ARHGEF28: variants seen among roughly 807,000 people sequenced by gnomAD.
ARHGEF28 encodes Rho guanine nucleotide exchange factor 28, also known as 190 kDa guanine nucleotide exchange factor.
A neutral mutation model predicts 206.6 loss-of-function variants in ARHGEF28; 152 were observed. The ratio of observed to expected loss-of-function variants is 0.74; its 90% CI spans 0.64 to 0.84. ARHGEF28 has a LOEUF of 0.84. Among genes scored for constraint, ARHGEF28 ranks in the 40% least tolerant of loss-of-function variants. ARHGEF28 has a pLI of 0.00. For missense variants in ARHGEF28, 2,028 were observed against 2,073.2 expected, an observed-to-expected ratio of 0.98 and a Z score of 0.42; for synonymous variants, 763 against 776.4, an observed-to-expected ratio of 0.98 and a Z score of 0.29.
intron 1 of ARHGEF28, among the ~76,000 whole-genome samples, chr5:73,636,828 CTA>C (rs943643252): frequency 6.6e-6 from 1 of 152,150 alleles, no homozygotes; most frequent in Non-Finnish European, 1.5e-5. Flanking sequence ...CTGTCAAGTT[CTA>C]TGTTTCTGTG....
chr5:73,795,848 C>T (rs1754774060), intron 9 of ARHGEF28, among the ~76,000 whole-genome samples: 1 of 151,218 alleles, frequency 6.6e-6, no homozygotes, highest in South Asian at 2.1e-4. Flanking sequence ...GGAGCTGAGC[C>T]TATGTGATCT....
At chr5:73,906,176 G>A (rs546822737) in intron 33 of ARHGEF28, among the ~76,000 whole-genome samples, 1 of 152,152 alleles carries the variant, frequency 6.6e-6, no homozygotes, top group East Asian at 1.9e-4. Flanking sequence ...GTATATGACA[G>A]TGCTCATCTT....
chr5:73,724,857 C>G (rs1258279527), intron 2 of ARHGEF28, among the ~76,000 whole-genome samples: 1 of 152,158 alleles, frequency 6.6e-6, no homozygotes, highest in Non-Finnish European at 1.5e-5. Context: ...CCATAACCAT[C>G]CATACACAGA....
intron 2 of ARHGEF28, among the ~76,000 whole-genome samples, chr5:73,717,829 A>AAATGAT (rs1452680547): frequency 1.3e-5 from 2 of 152,154 alleles, no homozygotes; most frequent in African/African-American, 4.8e-5. Context: ...TTGGACATGG[A>AAATGAT]AATGATGCTA....
At chr5:73,638,594 T>C (rs1354548032) in intron 1 of ARHGEF28, among the ~76,000 whole-genome samples, 1 of 152,214 alleles carries the variant, frequency 6.6e-6, no homozygotes. Context: ...ATCTTGCCTT[T>C]GTGACGTTAA....
chr5:73,698,751 G>A (rs1378760995), intron 2 of ARHGEF28, among the ~76,000 whole-genome samples: 2 of 152,074 alleles, frequency 1.3e-5, no homozygotes, highest in African/African-American at 4.8e-5. Flanking sequence ...CCACAGGAGA[G>A]GCAAATGGAC....
At chr5:73,653,831 C>A (rs138068300) in intron 1 of ARHGEF28, among the ~76,000 whole-genome samples, 2 of 152,288 alleles carry the variant, frequency 1.3e-5, no homozygotes, top group African/African-American at 4.8e-5. Context: ...TGTTCCCCCC[C>A]GTCATGGCAC....
At chr5:73,627,915 A>G (rs1743108011) in intron 1 of ARHGEF28, among the ~76,000 whole-genome samples, 1 of 152,032 alleles carries the variant, frequency 6.6e-6, no homozygotes, top group South Asian at 2.1e-4. Context: ...TCAAAACCAC[A>G]CAATCTGGCC....
intron 4 of ARHGEF28, among the ~76,000 whole-genome samples, chr5:73,754,832 G>A (rs1752213107): frequency 6.6e-6 from 1 of 151,862 alleles, no homozygotes; most frequent in Non-Finnish European, 1.5e-5. Context: ...GGGTATCTAA[G>A]ATTATAGGTG....
At chr5:73,860,515 C>T (rs1047199617) in intron 16 of ARHGEF28, among the ~76,000 whole-genome samples, 1 of 152,070 alleles carries the variant, frequency 6.6e-6, no homozygotes, top group Non-Finnish European at 1.5e-5. Flanking sequence ...GCATCACAAG[C>T]TTCAACCCTG....
chr5:73,918,209 T>G (rs918363594), intron 35 of ARHGEF28, among the ~76,000 whole-genome samples: 1 of 152,216 alleles, frequency 6.6e-6, no homozygotes, highest in Non-Finnish European at 1.5e-5. Context: ...ATAGTAAATA[T>G]TTTAGTTTTT....
chr5:73,814,951 A>G (rs1450893530), intron 9 of ARHGEF28, among the ~76,000 whole-genome samples: 2 of 152,188 alleles, frequency 1.3e-5, no homozygotes, highest in East Asian at 1.9e-4. Context: ...AAATTCTATC[A>G]TTGAAGACTT....
intron 2 of ARHGEF28, among the ~76,000 whole-genome samples, chr5:73,736,505 C>G (rs1437757066): frequency 6.6e-6 from 1 of 152,146 alleles, no homozygotes; most frequent in Non-Finnish European, 1.5e-5. Flanking sequence ...AGATAATTCA[C>G]TTAGAATGGT....
At chr5:73,813,198 A>G (rs2112522120) in intron 9 of ARHGEF28, among the ~76,000 whole-genome samples, 1 of 152,270 alleles carries the variant, frequency 6.6e-6, no homozygotes, top group South Asian at 2.1e-4. Context: ...CTTGAATCAC[A>G]GGCAGCTCTC....
Position 73,780,649 on chromosome 5 carries a change from G to T in ARHGEF28, c.841-27G>T, listed in dbSNP as rs761904605. 90 of 1,421,336 alleles carry T rather than the reference G, an allele frequency of 6.3e-5. No homozygotes were observed. In the East Asian group the frequency reaches 2.4e-3, roughly 37 times the overall value. The allele number at this position is 1,421,336 out of a possible 1,614,324, so 88.0% of individuals were successfully genotyped here. ...CTCAAATGGTTTTCTGTGCTTTTTT[G>T]TTTTTTTTTTCCCCATTGTTTCCTA... On this transcript the variant is annotated intron_variant, in intron 6 of 35. Coordinates refer to ENST00000513042, the MANE Select transcript of ARHGEF28 (RefSeq NM_001177693.2).
At chr5:73,926,495 C>T (rs145240367) in intron 35 of ARHGEF28, among the ~76,000 whole-genome samples, 1 of 152,180 alleles carries the variant, frequency 6.6e-6, no homozygotes, top group Non-Finnish European at 1.5e-5. Context: ...TTCATCCCCC[C>T]CTACCCTTTG....
At position 73,887,677 on chromosome 5, in the gene ARHGEF28, G is replaced by C. The variant is rs764751514; in HGVS notation, c.3385G>C (p.Val1129Leu). ...AGACCAGAAATACATCTTTGCAGCC[G>C]TTGTAAGTATATGACTGTGTGATGT... ...EKDQKYIFAA[V>L]DQKPSVISLQ... Residue 1129 changes from valine (V) to leucine (L), a missense_variant and splice_region_variant, in exon 26 of 36, where the codon GTT (valine) becomes CTT (leucine). Physicochemically the swap from Val to Leu is conservative, Grantham distance 32 (BLOSUM62 1). Coordinates refer to ENST00000513042, the MANE Select transcript of ARHGEF28 (RefSeq NM_001177693.2). The C allele has an allele frequency of 1.9e-6, 3 of 1,564,774 alleles. No homozygotes were observed. Among genetic ancestry groups the C allele is most frequent in the African/African-American group, 2.7e-5 (2 of 74,012 alleles).
In ARHGEF28 at chr5:73,915,148, GT is replaced by G. The variant is rs111446677; in HGVS notation, c.4948+3582del. On this transcript the variant is annotated intron_variant, in intron 35 of 35. Transcript: ENST00000513042. ...AAGGACCAGGTTTTTGTTTTTATTG[GT>G]TTTTTTTTCTCCCCTCCTTCCCTTT... is the stretch of plus-strand genomic sequence containing the variant. Among the ~76,000 whole-genome samples the G allele has an allele frequency of 2.6e-3, 394 of 149,380 alleles. 1 individual carries two copies. The highest frequency in any genetic ancestry group is 0.01 in the Middle Eastern group (3 of 294).
At chr5:73,900,475 G>A (rs796622385) in intron 30 of ARHGEF28, 4 of 152,152 alleles carry the variant, frequency 2.6e-5, no homozygotes, top group Non-Finnish European at 5.9e-5. Context: ...AGTGAAATCT[G>A]TATTTGGTAC....
Sources: allele counts gnomAD v4.1 joint callset (sites outside exome capture counted in the v4.1 genomes callset), GRCh38; gene constraint gnomAD v4.1.1; transcripts MANE v1.5; gene names NCBI Gene and HGNC (gene_info 2026-07-23, HGNC 2026-07-21).